RUFY3: variants seen among roughly 807,000 people sequenced by gnomAD.
RUFY3 encodes protein RUFY3.
A neutral mutation model predicts 84.0 loss-of-function variants in RUFY3; 34 were observed. That is an observed-to-expected ratio of 0.40 (90% CI 0.31 to 0.54). The LOEUF is 0.54. Ranked by LOEUF, RUFY3 falls within the 20% of genes least tolerant of loss-of-function variation. The pLI is 0.39. For synonymous variants in RUFY3, 242 were observed against 252.9 expected (o/e 0.96, Z 0.41); for missense variants, 507 against 736.8 (o/e 0.69, Z 3.61).
chr4:70,767,261 T>A (rs1173264430), intron 4 of RUFY3, among the ~76,000 whole-genome samples: 2 of 111,330 alleles, frequency 1.8e-5, no homozygotes, highest in Admixed American at 1.7e-4. Flanking sequence ...AATTTTGTAT[T>A]TTTTTTTTTT....
In RUFY3 at chr4:70,788,903, C is replaced by T. The variant is rs757481318; in HGVS notation, c.1169C>T (p.Ala390Val). 3.2e-5 allele frequency: 52 copies of T among 1,613,988 alleles called. No individual in the cohort carries two copies. Among genetic ancestry groups the T allele is most frequent in the South Asian group, 8.8e-5 (8 of 91,072 alleles). ...LEKDVCEKQD[A>V]LVSLRQQLDD... ...AAGGATGTCTGTGAGAAGCAGGATG[C>T]CCTGGTATCTCTTCGGCAGCAGCTG... Residue 390 changes from alanine to valine, a missense_variant, in exon 11 of 18, where the codon GCC becomes GTC. Around this residue, in one of 4 missense-constraint regions of RUFY3, gnomAD observed 334 missense variants for 364.1 expected, o/e 0.92. Transcript: ENST00000381006.
chr4:70,795,489 T>C (rs1260215208), intron 14 of RUFY3, among the ~76,000 whole-genome samples: 1 of 152,136 alleles, frequency 6.6e-6, no homozygotes, highest in Non-Finnish European at 1.5e-5. Context: ...GGAGCTACAA[T>C]TGGGTAAGAT....
chr4:70,773,893 G>A lies in RUFY3; in HGVS notation c.758+321G>A, dbSNP rs1052533384. ...CATGGTCATTTTGACCAGAGGAGTC[G>A]CATTCTCAGTTTGCTTAAAATTGGC... On this transcript the variant is annotated intron_variant, in intron 6 of 17. Transcript: ENST00000381006. Among the ~76,000 whole-genome samples the A allele has an allele frequency of 5.9e-5, 9 of 152,074 alleles. No homozygotes were observed. In the South Asian group the frequency reaches 1.0e-3, roughly 17 times the overall value.
chr4:70,759,035 C>CAA (rs57448558), intron 1 of RUFY3, among the ~76,000 whole-genome samples: 7 of 140,012 alleles, frequency 5.0e-5, no homozygotes, highest in East Asian at 2.0e-4. Flanking sequence ...GACTCTGTCT[C>CAA]AAAAAAAAAA....
At chr4:70,704,846 G>C (rs921233238) in exon 1 of RUFY3, 17 of 844,904 alleles carry the variant, frequency 2.0e-5, no homozygotes, top group South Asian at 5.8e-5. Flanking sequence ...CGCAGCGGAC[G>C]GGACGGGGCG....
rs756167508 is a variant in RUFY3, at chr4:70,775,946, A to AAAAAAAAAAAAAAC, written c.824+724_824+725insAACAAAAAAAAAAA. 4.7e-4 allele frequency among the ~76,000 whole-genome samples: 65 copies of AAAAAAAAAAAAAAC among 137,994 alleles called. 1 individual carries two copies. The highest frequency in any genetic ancestry group is 1.7e-3 in the African/African-American group (58 of 34,092). 90.5% of individuals were successfully genotyped at this position (137,994 alleles called of 152,430 possible). A position where few individuals can be genotyped will look rare whatever the true frequency, so the allele number is the denominator to read the frequency against. ...ACAGAGCGAGACACTGTCTTAAACAAAAAAAAAAAAACGAAAAAAAAGATA... is the reference window on the plus strand; with the variant it reads ...ACAGAGCGAGACACTGTCTTAAACAAAAAAAAAAAAAAACAAAAAAAAAAACGAAAAAAAAGATA... On this transcript the variant is annotated intron_variant, in intron 7 of 17. Transcript: ENST00000381006.
At position 70,713,953 on chromosome 4, in the gene RUFY3, C is replaced by T. The variant is rs139344563; in HGVS notation, c.358+8659C>T. Among the ~76,000 whole-genome samples the T allele has an allele frequency of 8.5e-5, 13 of 152,334 alleles. 1 individual carries two copies. The highest frequency in any genetic ancestry group is 2.9e-4 in the African/African-American group (12 of 41,570). On this transcript the variant is annotated intron_variant, in intron 1 of 11. Transcript: ENST00000417478. ...ATGTGTTGATAGGGTTTTTCCAGAA[C>T]TCTCAAAGGAGAAGCACTTATCATA...
chr4:70,801,965 G>T (rs993438191), intron 15 of RUFY3, among the ~76,000 whole-genome samples: 2 of 152,178 alleles, frequency 1.3e-5, no homozygotes, highest in African/African-American at 4.8e-5. Context: ...TGAGAATATG[G>T]AACAGTGCTT....
intron 1 of RUFY3, among the ~76,000 whole-genome samples, chr4:70,733,566 T>C (rs1719811678): frequency 6.6e-6 from 1 of 152,206 alleles, no homozygotes; most frequent in Admixed American, 6.5e-5. Context: ...TGACTTCCTG[T>C]AACACACTCT....
intron 1 of RUFY3, among the ~76,000 whole-genome samples, chr4:70,740,662 T>C (rs376789336): frequency 6.6e-6 from 1 of 152,208 alleles, no homozygotes; most frequent in African/African-American, 2.4e-5. Flanking sequence ...CTACATAATA[T>C]AGATTTGTGG....
chr4:70,750,478 ATAT>A (rs898910505), intron 1 of RUFY3, among the ~76,000 whole-genome samples: 6 of 152,134 alleles, frequency 3.9e-5, no homozygotes, highest in African/African-American at 1.4e-4. Context: ...TACAAGTTAT[ATAT>A]TATTATTATG....
intron 2 of RUFY3, among the ~76,000 whole-genome samples, chr4:70,762,937 A>C (rs1288216547): frequency 6.6e-6 from 1 of 152,204 alleles, no homozygotes; most frequent in Non-Finnish European, 1.5e-5. Context: ...AGTACAGTAC[A>C]GTAGTTCTGT....
chr4:70,808,357 A>G lies in RUFY3; in HGVS notation c.*1698A>G, dbSNP rs1279206333. The stretch of plus-strand genomic sequence containing the variant: ...TGTATTGAGCAAGAGAAGGCAAAAA[A>G]CATTACATAATATTTTGATTCTGTT... On this transcript the variant is annotated 3_prime_UTR_variant, in exon 18 of 18. Coordinates refer to ENST00000381006, the MANE Select transcript of RUFY3 (RefSeq NM_001037442.4). 6.6e-6 allele frequency among the ~76,000 whole-genome samples: 1 copy of G among 152,202 alleles called. No individual in the cohort carries two copies. Among genetic ancestry groups the G allele is most frequent in the Non-Finnish European group, 1.5e-5 (1 of 68,034 alleles).
chr4:70,763,542 G>C lies in RUFY3; in HGVS notation c.353-10G>C, dbSNP rs1725377103. The C allele has an allele frequency of 1.3e-6, 2 of 1,599,412 alleles. No individual in the cohort carries two copies. The highest frequency in any genetic ancestry group is 1.7e-5 in the Admixed American group (1 of 57,174). ...AATATTAAAATACTGCTTTATTTTT[G>C]TTGCCTTAGCTAAAAAAACTTTTCT... On this transcript the variant is annotated splice_polypyrimidine_tract_variant and intron_variant, in intron 2 of 17. Transcript: ENST00000381006.
chr4:70,759,372 A>G (rs57306055), intron 1 of RUFY3, among the ~76,000 whole-genome samples: 4,946 of 146,980 alleles, frequency 0.034, 199 homozygotes, highest in African/African-American at 0.071. Context: ...GTGTGTGTGT[A>G]TGTGTGTGTG....
At position 70,794,768 on chromosome 4, in the gene RUFY3, A is replaced by T. The variant is rs367904127; in HGVS notation, c.1458-27A>T. 370 of 1,480,644 alleles carry T rather than the reference A, an allele frequency of 2.5e-4. 4 individuals carry two copies. The South Asian group carries it at 2.6e-3, about 11-fold the overall frequency. 91.7% of individuals were successfully genotyped at this position (1,480,644 alleles called of 1,614,324 possible). A position where few individuals can be genotyped will look rare whatever the true frequency, so the allele number is the denominator to read the frequency against. On this transcript the variant is annotated intron_variant, in intron 13 of 17. Coordinates refer to ENST00000381006, the MANE Select transcript of RUFY3 (RefSeq NM_001037442.4). Reference sequence around the variant, plus strand: ...TGTCTGTATAGAATTCCAATTTTTCATCCTTTTCCTCTCCAACTTACCTCA... The same window carrying T: ...TGTCTGTATAGAATTCCAATTTTTCTTCCTTTTCCTCTCCAACTTACCTCA...
At chr4:70,704,212 G>T (rs1739999796), upstream of RUFY3, 1 of 152,216 alleles carries the variant, frequency 6.6e-6, no homozygotes, top group African/African-American at 2.4e-5. Flanking sequence ...GCAAATACAG[G>T]ATTTCAGTAC....
chr4:70,767,259 A>ATTTT lies in RUFY3; in HGVS notation c.573-1252_573-1249dup, dbSNP rs779388140. Among the ~76,000 whole-genome samples, 81 of 49,692 alleles carry ATTTT rather than the reference A, an allele frequency of 1.6e-3. 1 individual carries two copies. Among genetic ancestry groups the ATTTT allele is most frequent in the African/African-American group, 2.6e-3 (37 of 14,086 alleles). The allele number at this position is 49,692 out of a possible 152,430, so 32.6% of individuals were successfully genotyped here. A position where few individuals can be genotyped will look rare whatever the true frequency, so the allele number is the denominator to read the frequency against. ...TGCCACCATGCCCGGCTAATTTTGT[A>ATTTT]TTTTTTTTTTTTTTTTTTTTTTTTT... On this transcript the variant is annotated intron_variant, in intron 4 of 17. Coordinates refer to ENST00000381006, the MANE Select transcript of RUFY3 (RefSeq NM_001037442.4).
At chr4:70,776,034 A>C (rs1171956463) in intron 7 of RUFY3, among the ~76,000 whole-genome samples, 2 of 152,132 alleles carry the variant, frequency 1.3e-5, no homozygotes, top group Non-Finnish European at 2.9e-5. Context: ...TTTAATATAT[A>C]AATTGAATTT....
Sources: gnomAD v4.1 joint callset for allele counts (sites outside exome capture counted in the v4.1 genomes callset) on GRCh38, gnomAD v4.1.1 for gene constraint, gnomAD v4.1.1 regional missense constraint, MANE v1.5 for transcripts, NCBI Gene and HGNC (gene_info 2026-07-23, HGNC 2026-07-21) for gene names.